The following DNAJC13 variants were observed in gnomAD, a reference collection of about 807,000 sequenced individuals.
DNAJC13 encodes DnaJ heat shock protein family (Hsp40) member C13.
In DNAJC13, 75 loss-of-function variants were observed where a neutral mutation model predicts 290.5. That is an observed-to-expected ratio of 0.26 (90% CI 0.21 to 0.31). DNAJC13 has a LOEUF of 0.31. DNAJC13 is among the 10% of genes least tolerant of loss of function. The pLI is 1.00. For synonymous variants in DNAJC13, 862 were observed against 892.0 expected (o/e 0.97, Z 0.60); for missense variants, 2,260 against 2,674.5 (o/e 0.85, Z 3.42).
intron 41 of DNAJC13, among the ~76,000 whole-genome samples, chr3:132,504,267 T>G (rs761187593): frequency 6.6e-6 from 1 of 152,028 alleles, no homozygotes; most frequent in Non-Finnish European, 1.5e-5. Flanking sequence ...TGCCATGCTT[T>G]TCAGTTCCCA....
chr3:132,434,084 T>C (rs1226173824), intron 1 of DNAJC13, among the ~76,000 whole-genome samples: 2 of 150,612 alleles, frequency 1.3e-5, no homozygotes, highest in Non-Finnish European at 3.0e-5. Flanking sequence ...GTGGCAGGCG[T>C]CTGTAGTCCC....
At chr3:132,499,918 C>T in intron 38 of DNAJC13, 110 bp downstream of exon 38, 1 of 910,468 alleles carries the variant, frequency 1.1e-6, no homozygotes. Context: ...TTGCTGAGCT[C>T]CACCCCACCC....
In DNAJC13 at chr3:132,499,352, C is replaced by T. The variant is rs2088712; in HGVS notation, c.4341+42C>T. 551,398 of 1,493,004 alleles carry T rather than the reference C, an allele frequency of 0.37. 110,032 individuals carry two copies. The highest frequency in any genetic ancestry group is 0.79 in the East Asian group (34,385 of 43,526). The allele number at this position is 1,493,004 out of a possible 1,614,324, so 92.5% of individuals were successfully genotyped here. ...TTTGTGCTTTTTAAGCCAGTTTACA[C>T]ACATTATATGACTCTTGGCAGTGAA... On this transcript the variant is annotated intron_variant, in intron 37 of 55. Transcript: ENST00000260818.
chr3:132,430,008 A>T (rs373913626), intron 1 of DNAJC13, among the ~76,000 whole-genome samples: 5 of 152,166 alleles, frequency 3.3e-5, no homozygotes. Flanking sequence ...CTGAAGTACT[A>T]CTACTTTCCT....
intron 36 of DNAJC13, among the ~76,000 whole-genome samples, chr3:132,498,880 T>G (rs1935320719): frequency 6.6e-6 from 1 of 151,986 alleles, no homozygotes; most frequent in East Asian, 1.9e-4. Context: ...CACACCCGGC[T>G]AACTTTTTTG....
chr3:132,512,017 G>A (rs200595769), intron 44 of DNAJC13, among the ~76,000 whole-genome samples: 6 of 152,068 alleles, frequency 3.9e-5, no homozygotes, highest in African/African-American at 7.2e-5. Context: ...GGAAAATTAC[G>A]CATTTACAAG....
chr3:132,447,533 C>A, intron 4 of DNAJC13, 63 bp downstream of exon 4: 2 of 1,408,040 alleles, frequency 1.4e-6, no homozygotes, highest in Non-Finnish European at 9.3e-7. Context: ...GAAGTAGTTA[C>A]ATAGAAGTAG....
chr3:132,453,201 A>G, intron 6 of DNAJC13, 97 bp from the exon 7 acceptor site: 1 of 1,106,878 alleles, frequency 9.0e-7, no homozygotes, highest in Non-Finnish European at 1.3e-6. Context: ...TTTTTTCTCT[A>G]GAATTGCTAC....
rs548284560 is a variant in DNAJC13, at chr3:132,512,879, G to C, written c.5294-129G>C. 2.4e-5 allele frequency: 18 copies of C among 741,566 alleles called. No individual in the cohort carries two copies. The African/African-American group carries it at 3.0e-4, about 12-fold the overall frequency. The allele number at this position is 741,566 out of a possible 1,614,324, so 45.9% of individuals were successfully genotyped here. Reference sequence around the variant, plus strand: ...CTTAGAGGTCCTCCACTTACTTCATGTCACAGATGTTTAGAACCAGTTATC... The same window carrying C: ...CTTAGAGGTCCTCCACTTACTTCATCTCACAGATGTTTAGAACCAGTTATC... On this transcript the variant is annotated intron_variant, in intron 44 of 55. Transcript: ENST00000260818.
chr3:132,418,505 T>C (rs889134696), intron 1 of DNAJC13, among the ~76,000 whole-genome samples: 26 of 152,206 alleles, frequency 1.7e-4, no homozygotes, highest in African/African-American at 6.0e-4. Flanking sequence ...TTAAGATTGT[T>C]TCCTGTGTCC....
intron 15 of DNAJC13, 71 bp downstream of exon 15, chr3:132,461,276 A>G: frequency 6.5e-7 from 1 of 1,533,362 alleles, no homozygotes; most frequent in Non-Finnish European, 9.0e-7. Flanking sequence ...CACTGTTTCT[A>G]AGATAACATT....
At chr3:132,474,232 T>TG (rs147937612) in intron 21 of DNAJC13, 14,087 of 150,508 alleles carry the variant, frequency 0.094, 811 homozygotes, top group South Asian at 0.14. Flanking sequence ...AATTGTGGTG[T>TG]TTTTTTTTGT....
intron 20 of DNAJC13, among the ~76,000 whole-genome samples, chr3:132,471,345 A>ACCC (rs1313255346): frequency 2.6e-5 from 2 of 77,046 alleles, no homozygotes; most frequent in Non-Finnish European, 5.7e-5. Context: ...CGGGGGGTTG[A>ACCC]CCCCCCCCCA....
chr3:132,429,253 C>T (rs980173000), intron 1 of DNAJC13, among the ~76,000 whole-genome samples: 1 of 151,590 alleles, frequency 6.6e-6, no homozygotes, highest in Admixed American at 6.6e-5. Context: ...TGAATTATTC[C>T]AGGAATTTGC....
intron 41 of DNAJC13, 110 bp downstream of exon 41, chr3:132,503,491 CAT>C (rs756609149): frequency 4.2e-5 from 53 of 1,258,294 alleles, no homozygotes; most frequent in Non-Finnish European, 4.9e-5. Context: ...AGAACGTTCA[CAT>C]GTTTGTTCTC....
intron 46 of DNAJC13, 77 bp from the exon 47 acceptor site, chr3:132,516,345 G>A: frequency 7.6e-7 from 1 of 1,311,864 alleles, no homozygotes; most frequent in South Asian, 1.2e-5. Context: ...CTAGTTAAGT[G>A]CCTGGCACAG....
At chr3:132,495,519 CT>C (rs2107712810) in intron 35 of DNAJC13, among the ~76,000 whole-genome samples, 1 of 152,258 alleles carries the variant, frequency 6.6e-6, no homozygotes, top group South Asian at 2.1e-4. Context: ...ATTCAGATTG[CT>C]TTGGGCAATT....
rs57786343 is a variant in DNAJC13 at position 132,454,160 on chromosome 3, A to ATT, written c.932+15_932+16dup. 0.011 allele frequency: 14,712 copies of ATT among 1,322,184 alleles called. 260 individuals carry two copies. The highest frequency in any genetic ancestry group is 0.11 in the African/African-American group (7,320 of 66,580). 81.9% of individuals were successfully genotyped at this position (1,322,184 alleles called of 1,614,324 possible). On this transcript the variant is annotated splice_donor_region_variant and intron_variant, in intron 9 of 55. Coordinates refer to ENST00000260818, the MANE Select transcript of DNAJC13 (RefSeq NM_015268.4). ...CGGAAATATTCTTCAACAGAGAGGT[A>ATT]TTTTTTTTTTTTTAAGTTTTTGAAA...
At chr3:132,470,705 G>T (rs1246140653) in intron 20 of DNAJC13, among the ~76,000 whole-genome samples, 13 of 112,226 alleles carry the variant, frequency 1.2e-4, no homozygotes, top group African/African-American at 2.2e-4. Flanking sequence ...GCGGCTGGCC[G>T]GGCAGAGGGG....
Sources: allele counts gnomAD v4.1 joint callset (sites outside exome capture counted in the v4.1 genomes callset), GRCh38; gene constraint gnomAD v4.1.1; transcripts MANE v1.5; gene names NCBI Gene and HGNC (gene_info 2026-07-23, HGNC 2026-07-21).